Variants in ADAM28 observed in about 807,000 individuals in gnomAD.
ADAM28 encodes the protein ADAM metallopeptidase domain 28, also known as disintegrin and metalloproteinase domain-containing protein 28.
ADAM28 carries 105 observed loss-of-function variants against 101.2 expected under a neutral mutation model. The observed-to-expected ratio is 1.04, with a 90% CI of 0.89 to 1.22. The LOEUF is 1.22. ADAM28 is among the 50% of genes most tolerant of loss of function. The pLI is 0.00. For synonymous variants in ADAM28, 322 were observed against 310.6 expected, an observed-to-expected ratio of 1.04 and a Z score of -0.39; for missense variants, 1,028 against 945.4, an observed-to-expected ratio of 1.09 and a Z score of -1.15.
chr8:24,314,371 T>C (rs1810880489), intron 6 of ADAM28, among the ~76,000 whole-genome samples: 1 of 152,176 alleles, frequency 6.6e-6, no homozygotes, highest in African/African-American at 2.4e-5. Flanking sequence ...AATATTATTT[T>C]ATGTGTGGAA....
chr8:24,351,893 T>C, intron 20 of ADAM28, 94 bp from the exon 21 acceptor site: 1 of 1,265,574 alleles, frequency 7.9e-7, no homozygotes, highest in Non-Finnish European at 1.1e-6. Flanking sequence ...AGTTCCAAGC[T>C]TCCATGCCTT....
Position 24,351,263 on chromosome 8 carries a change from A to G in ADAM28, c.2131A>G (p.Lys711Glu), listed in dbSNP as rs372685641. The G allele has an allele frequency of 1.2e-6, 2 of 1,610,326 alleles. No homozygotes were observed. The highest frequency in any genetic ancestry group is 1.7e-6 in the Non-Finnish European group (2 of 1,178,472). The change falls in exon 20 of 23, where the codon AAA becomes GAA. Residue 711 changes from lysine (K) to glutamate (E), a missense_variant. Physicochemically the swap from Lys to Glu is moderately conservative, Grantham distance 56. Transcript: ENST00000265769. Reference sequence around the variant, plus strand: ...ATCTACCACTGGCACCAGGCCACACAAACAGAAGAGGAAACCCCAGATGGT... The same window carrying G: ...ATCTACCACTGGCACCAGGCCACACGAACAGAAGAGGAAACCCCAGATGGT... ...PLSTTGTRPH[K>E]QKRKPQMVKA... is the part of the protein sequence containing the mutation.
At chr8:24,337,092 A>T (rs984006268) in intron 14 of ADAM28, among the ~76,000 whole-genome samples, 1 of 152,238 alleles carries the variant, frequency 6.6e-6, no homozygotes, top group African/African-American at 2.4e-5. Flanking sequence ...AAGACCCTAG[A>T]AAAACCTCCC....
intron 2 of ADAM28, among the ~76,000 whole-genome samples, chr8:24,300,644 C>T (rs1213946296): frequency 1.3e-5 from 2 of 152,108 alleles, no homozygotes; most frequent in Admixed American, 6.5e-5. Context: ...TTTCTATCTC[C>T]TGACCTTGTG....
At chr8:24,338,227 ATTAG>A (rs138933061) in intron 14 of ADAM28, among the ~76,000 whole-genome samples, 26,702 of 152,098 alleles carry the variant, frequency 0.18, 2,454 homozygotes, top group East Asian at 0.35. Context: ...AAATATATGG[ATTAG>A]TTAAATAAAG....
rs1396874843 is a variant in ADAM28, at chr8:24,354,659, T to C, written c.*255T>C. ...GAAGGAAGATGATTGTAAAGAAATA[T>C]CTCCGAAGTTAAAATCTGTAATAGG... On this transcript the variant is annotated 3_prime_UTR_variant, in exon 23 of 23. Coordinates refer to ENST00000265769, the MANE Select transcript of ADAM28 (RefSeq NM_014265.6). 2.9e-6 allele frequency: 1 copy of C among 346,352 alleles called. No homozygotes were observed. The highest frequency in any genetic ancestry group is 5.3e-6 in the Non-Finnish European group (1 of 188,494). 21.5% of individuals were successfully genotyped at this position (346,352 alleles called of 1,614,324 possible).
At chr8:24,328,993 G>T (rs539209093) in intron 10 of ADAM28, among the ~76,000 whole-genome samples, 5 of 151,598 alleles carry the variant, frequency 3.3e-5, no homozygotes, top group African/African-American at 4.8e-5. Context: ...GGTCATTCGA[G>T]GGCAAAAATC....
chr8:24,300,974 A>G (rs973366410), intron 2 of ADAM28: 1 of 152,194 alleles, frequency 6.6e-6, no homozygotes, highest in Non-Finnish European at 1.5e-5. Flanking sequence ...TACTCAATAA[A>G]CATTTATTAA....
intron 13 of ADAM28, among the ~76,000 whole-genome samples, chr8:24,333,657 G>A (rs1813654448): frequency 6.6e-6 from 1 of 152,146 alleles, no homozygotes; most frequent in South Asian, 2.1e-4. Context: ...AAAACTGATT[G>A]TATCTCCCTT....
rs765052676 is a variant in ADAM28 at position 24,351,315 on chromosome 8, A to G, written c.2178+5A>G. 1.2e-6 allele frequency: 2 copies of G among 1,613,026 alleles called. No homozygotes were observed. Among genetic ancestry groups the G allele is most frequent in the Admixed American group, 1.7e-5 (1 of 59,982 alleles). On this transcript the variant is annotated splice_donor_5th_base_variant and intron_variant, in intron 20 of 22. Transcript: ENST00000265769. The stretch of plus-strand genomic sequence containing the variant: ...AAGGCTGTTCAACCCCAAGAGGTGA[A>G]CTATATAGTCTGGGCTGTGATTACC...
At chr8:24,343,274 AATG>A (rs1815007421) in intron 17 of ADAM28, 93 bp downstream of exon 17, 1 of 1,430,538 alleles carries the variant, frequency 7.0e-7, no homozygotes, top group African/African-American at 1.4e-5. Context: ...TTCAGCTTTA[AATG>A]ATGATAATTA....
At chr8:24,335,142 TTCTTTTTA>T in intron 13 of ADAM28, among the ~76,000 whole-genome samples, 1 of 151,970 alleles carries the variant, frequency 6.6e-6, no homozygotes, top group Non-Finnish European at 1.5e-5. Context: ...AATAACTCCC[TTCTTTTTA>T]TCTAAGTTGT....
chr8:24,315,709 A>G (rs1400860502), intron 6 of ADAM28, among the ~76,000 whole-genome samples: 1 of 152,014 alleles, frequency 6.6e-6, no homozygotes, highest in East Asian at 1.9e-4. Flanking sequence ...CGCCAAAGAA[A>G]GGAAAACTAC....
intron 9 of ADAM28, 82 bp from the exon 10 acceptor site, chr8:24,326,472 C>A: frequency 3.8e-6 from 5 of 1,305,924 alleles, no homozygotes; most frequent in African/African-American, 1.5e-5. Context: ...TTCTGCTAAC[C>A]ATTTAGGGTT....
chr8:24,344,506 C>T lies in ADAM28; in HGVS notation c.1990+922C>T, dbSNP rs184523447. Among the ~76,000 whole-genome samples, 669 of 152,194 alleles carry T rather than the reference C, an allele frequency of 4.4e-3. 1 individual carries two copies. The highest frequency in any genetic ancestry group is 7.0e-3 in the Non-Finnish European group (477 of 68,006). ...GTAGACCTCAGTGAGATATCTGCCC[C>T]AAATTCAGATTGTTAGACTTTTCAA... On this transcript the variant is annotated intron_variant, in intron 18 of 22. Coordinates refer to ENST00000265769, the MANE Select transcript of ADAM28 (RefSeq NM_014265.6).
At chr8:24,345,892 T>G (rs1006117839) in intron 18 of ADAM28, among the ~76,000 whole-genome samples, 8 of 152,094 alleles carry the variant, frequency 5.3e-5, no homozygotes, top group African/African-American at 1.9e-4. Context: ...CAGTGGAAGC[T>G]TTTCTCAACT....
At chr8:24,339,380 T>G (rs1349162819) in intron 14 of ADAM28, 86 bp from the exon 15 acceptor site, 4 of 1,080,138 alleles carry the variant, frequency 3.7e-6, no homozygotes, top group Non-Finnish European at 5.4e-6. Context: ...TTTCCAGCAC[T>G]GAATCTTTAA....
intron 2 of ADAM28, among the ~76,000 whole-genome samples, chr8:24,308,087 T>C (rs1383557491): frequency 6.6e-6 from 1 of 152,172 alleles, no homozygotes; most frequent in Non-Finnish European, 1.5e-5. Context: ...ACCCATGTCA[T>C]TATTTTAGAG....
rs752612235 is a variant in ADAM28 at position 24,351,214 on chromosome 8, T to C, written c.2100-18T>C. 68 of 1,537,992 alleles carry C rather than the reference T, an allele frequency of 4.4e-5. No homozygotes were observed. Among genetic ancestry groups the C allele is most frequent in the Non-Finnish European group, 5.5e-5 (63 of 1,143,698 alleles). On this transcript the variant is annotated intron_variant, in intron 19 of 22. Coordinates refer to ENST00000265769, the MANE Select transcript of ADAM28 (RefSeq NM_014265.6). ...GGAGCTGCTAAGTCAATTGATATCA[T>C]GTGTTTCTCTCTTACAGGCCACTAT...
Sources: gnomAD v4.1 joint callset for allele counts (sites outside exome capture counted in the v4.1 genomes callset) on GRCh38, gnomAD v4.1.1 for gene constraint, MANE v1.5 for transcripts, NCBI Gene and HGNC (gene_info 2026-07-23, HGNC 2026-07-21) for gene names.